The following CACNA1I variants were observed in gnomAD, a reference collection of about 807,000 sequenced individuals.
CACNA1I encodes voltage-dependent T-type calcium channel subunit alpha-1I.
In CACNA1I, 74 loss-of-function variants were observed where a neutral mutation model predicts 201.6. The observed-to-expected ratio is 0.37, with a 90% CI of 0.30 to 0.45. The LOEUF is 0.45. CACNA1I is among the 20% of genes least tolerant of loss of function. The pLI is 1.00. For missense variants in CACNA1I, 2,346 were observed against 3,138.1 expected (o/e 0.75, Z 6.03); for synonymous variants, 1,431 against 1,345.2 (o/e 1.06, Z -1.40).
At chr22:39,618,123 G>A (rs1188597240) in intron 3 of CACNA1I, among the ~76,000 whole-genome samples, 1 of 151,690 alleles carries the variant, frequency 6.6e-6, no homozygotes, top group African/African-American at 2.4e-5. Flanking sequence ...GACTGGGTGT[G>A]TGGGTATGTG....
chr22:39,637,253 A>G (rs1217745043), intron 5 of CACNA1I, among the ~76,000 whole-genome samples: 4 of 152,176 alleles, frequency 2.6e-5, no homozygotes, highest in Non-Finnish European at 5.9e-5. Flanking sequence ...CAGAGCGGGT[A>G]CAAGACCAGC....
chr22:39,673,856 T>G, intron 28 of CACNA1I, 107 bp from the exon 29 acceptor site: 1 of 990,096 alleles, frequency 1.0e-6, no homozygotes, highest in South Asian at 1.5e-5. Flanking sequence ...TGCTTGCACG[T>G]GCCTTCATGT....
intron 34 of CACNA1I, 31 bp downstream of exon 34, chr22:39,681,083 G>T: frequency 6.3e-7 from 1 of 1,588,544 alleles, no homozygotes. Flanking sequence ...CTGAGCAGGC[G>T]GGTCTGTCCT....
chr22:39,581,692 T>C (rs897329836), intron 1 of CACNA1I, among the ~76,000 whole-genome samples: 4 of 152,226 alleles, frequency 2.6e-5, no homozygotes, highest in African/African-American at 9.6e-5. Flanking sequence ...GCTTCTGCCC[T>C]GCTGCCTCCC....
chr22:39,621,974 T>A (rs891180934), intron 4 of CACNA1I, among the ~76,000 whole-genome samples: 3 of 152,118 alleles, frequency 2.0e-5, no homozygotes, highest in Non-Finnish European at 4.4e-5. Flanking sequence ...ATGAGGAAAC[T>A]AAGGTCCAGA....
chr22:39,656,042 C>T (rs1934807107), intron 10 of CACNA1I, among the ~76,000 whole-genome samples: 1 of 152,094 alleles, frequency 6.6e-6, no homozygotes, highest in South Asian at 2.1e-4. Context: ...GCATCTGGAC[C>T]CTGGCTCAGT....
intron 4 of CACNA1I, among the ~76,000 whole-genome samples, chr22:39,634,321 T>C (rs2146412035): frequency 6.6e-6 from 1 of 152,320 alleles, no homozygotes; most frequent in Middle Eastern, 3.4e-3. Context: ...AAATGCTTGC[T>C]TGTTCATTCA....
chr22:39,601,086 G>A (rs1933017099), intron 3 of CACNA1I, among the ~76,000 whole-genome samples: 2 of 152,254 alleles, frequency 1.3e-5, no homozygotes, highest in Non-Finnish European at 1.5e-5. Context: ...TATTTCTACC[G>A]AGACACAAGC....
intron 1 of CACNA1I, among the ~76,000 whole-genome samples, chr22:39,584,340 A>G (rs1254672868): frequency 1.3e-5 from 2 of 152,182 alleles, no homozygotes; most frequent in East Asian, 3.9e-4. Flanking sequence ...TGGAGGTGGG[A>G]CATGCTGGGG....
At chr22:39,571,154 A>G in intron 1 of CACNA1I, 166 bp downstream of exon 1, 1 of 637,610 alleles carries the variant, frequency 1.6e-6, no homozygotes, top group Non-Finnish European at 2.8e-6. Flanking sequence ...GGGTCTGGGG[A>G]GACCTCAAAT....
chr22:39,577,636 G>C (rs1183884027), intron 1 of CACNA1I, among the ~76,000 whole-genome samples: 1 of 152,266 alleles, frequency 6.6e-6, no homozygotes, highest in Non-Finnish European at 1.5e-5. Context: ...TTTTGTACAG[G>C]AGGAAAACTG....
intron 10 of CACNA1I, among the ~76,000 whole-genome samples, chr22:39,657,078 G>A (rs898788272): frequency 6.6e-6 from 1 of 152,158 alleles, no homozygotes; most frequent in South Asian, 2.1e-4. Context: ...CCAGAGGAGG[G>A]GGGAAGCAAC....
chr22:39,574,788 G>C (rs1932292243), intron 1 of CACNA1I, among the ~76,000 whole-genome samples: 1 of 152,214 alleles, frequency 6.6e-6, no homozygotes, highest in African/African-American at 2.4e-5. Context: ...TAGCATCAGA[G>C]TCAGGCTGGT....
intron 25 of CACNA1I, among the ~76,000 whole-genome samples, chr22:39,670,439 G>A (rs997340457): frequency 4.6e-5 from 7 of 152,232 alleles, no homozygotes; most frequent in African/African-American, 1.7e-4. Context: ...TGACACCACT[G>A]CCAACCTGAG....
chr22:39,679,782 A>G lies in CACNA1I; in HGVS notation c.5455A>G (p.Thr1819Ala). The G allele has an allele frequency of 1.9e-6, 3 of 1,612,912 alleles. No homozygotes were observed. Among genetic ancestry groups the G allele is most frequent in the Non-Finnish European group, 2.5e-6 (3 of 1,179,570 alleles). The change falls in exon 33 of 37, where the codon ACC (threonine) becomes GCC (alanine). Residue 1819 changes from threonine (T) to alanine (A), a missense_variant. Transcript: ENST00000402142. The stretch of plus-strand genomic sequence containing the variant: ...CAAGGACTCCTTGGAGGGGGAGCTG[A>G]CCATCATCGACAACCTGTCGGGCTC... ...IIKDSLEGEL[T>A]IIDNLSGSIF...
At position 39,648,247 on chromosome 22, in the gene CACNA1I, G is replaced by A. The variant is rs1016599383; in HGVS notation, c.1567+321G>A. 1.3e-5 allele frequency among the ~76,000 whole-genome samples: 2 copies of A among 152,108 alleles called. No homozygotes were observed. The highest frequency in any genetic ancestry group is 1.5e-5 in the Non-Finnish European group (1 of 68,008). ...CCGTCCTCGGGTGCCAGCCATCCAG[G>A]CGTGGGCTCGGAGGAGGCCCCAGGT... On this transcript the variant is annotated intron_variant, in intron 9 of 36. Coordinates refer to ENST00000402142, the MANE Select transcript of CACNA1I (RefSeq NM_021096.4). This position sits in a 1 kb window ranked among gnomAD's most constrained non-coding sequence, Gnocchi z 5.4.
rs1933987813 is a variant in CACNA1I at position 39,629,369 on chromosome 22, T to C, written c.581-5196T>C. On this transcript the variant is annotated intron_variant, in intron 4 of 36. Transcript: ENST00000402142. The surrounding 1 kb of genome is among the most constrained non-coding windows in gnomAD (Gnocchi z 4.8). ...GCTCTGTGGCTCCAGGCCCCAAACC[T>C]TGGAGTCGTCCCCAACTGCCCTCTT... Among the ~76,000 whole-genome samples, 1 of 151,828 alleles carries C rather than the reference T, an allele frequency of 6.6e-6. No homozygotes were observed. Among genetic ancestry groups the C allele is most frequent in the African/African-American group, 2.4e-5 (1 of 41,326 alleles).
chr22:39,628,887 G>A (rs978372297), intron 4 of CACNA1I, among the ~76,000 whole-genome samples: 2 of 152,174 alleles, frequency 1.3e-5, no homozygotes, highest in Admixed American at 6.5e-5. Context: ...GCTGGCACGC[G>A]TCTGGCAATT....
chr22:39,633,936 C>T (rs1419971914), intron 4 of CACNA1I, among the ~76,000 whole-genome samples: 1 of 152,164 alleles, frequency 6.6e-6, no homozygotes, highest in Non-Finnish European at 1.5e-5. Flanking sequence ...ACTGCTGTGT[C>T]CTGACATGGT....
Sources: allele counts gnomAD v4.1 joint callset (sites outside exome capture counted in the v4.1 genomes callset), GRCh38; gene constraint gnomAD v4.1.1; non-coding constraint Gnocchi (gnomAD v3.1); transcripts MANE v1.5; gene names NCBI Gene and HGNC (gene_info 2026-07-23, HGNC 2026-07-21).